Variants in TIAM1 observed in about 807,000 individuals in gnomAD.
The protein encoded by TIAM1 is rho guanine nucleotide exchange factor TIAM1.
In TIAM1, 65 loss-of-function variants were observed where a neutral mutation model predicts 163.5. That is an observed-to-expected ratio of 0.40 (90% confidence interval 0.33 to 0.49). TIAM1 has a LOEUF of 0.49. Among genes scored for constraint, TIAM1 ranks in the 20% least tolerant of loss-of-function variants. TIAM1 has a pLI of 0.77. For synonymous variants in TIAM1, 833 were observed against 810.1 expected, an observed-to-expected ratio of 1.03 and a Z score of -0.48; for missense variants, 1,789 against 2,044.7, an observed-to-expected ratio of 0.87 and a Z score of 2.41.
At chr21:31,211,191 GT>G (rs2086871336) in intron 10 of TIAM1, among the ~76,000 whole-genome samples, 1 of 152,134 alleles carries the variant, frequency 6.6e-6, no homozygotes, top group Non-Finnish European at 1.5e-5. Flanking sequence ...GTGGAATGAA[GT>G]TTGTGAATGT....
At chr21:31,164,088 CATG>C (rs2084073470) in intron 16 of TIAM1, among the ~76,000 whole-genome samples, 2 of 152,164 alleles carry the variant, frequency 1.3e-5, no homozygotes, top group Non-Finnish European at 2.9e-5. Context: ...GGAATAGAAG[CATG>C]ATAAGTTATG....
chr21:31,456,193 T>C (rs2045093163), intron 2 of TIAM1, among the ~76,000 whole-genome samples: 1 of 152,226 alleles, frequency 6.6e-6, no homozygotes. Flanking sequence ...TTAAAATTTG[T>C]ATATTATCTA....
At chr21:31,473,454 A>C (rs1349142299) in intron 1 of TIAM1, among the ~76,000 whole-genome samples, 33 of 147,540 alleles carry the variant, frequency 2.2e-4, no homozygotes, top group East Asian at 1.4e-3. Flanking sequence ...AAAAAAAAAA[A>C]AAAAAAAAAA....
At chr21:31,471,893 ATAAT>A (rs138515267) in intron 1 of TIAM1, among the ~76,000 whole-genome samples, 92,296 of 146,114 alleles carry the variant, frequency 0.63, 28,615 homozygotes, top group African/African-American at 0.7. Context: ...AATAATAATA[ATAAT>A]AATAAAGGGA....
At chr21:31,481,747 A>C (rs528470072) in intron 1 of TIAM1, among the ~76,000 whole-genome samples, 73 of 152,272 alleles carry the variant, frequency 4.8e-4, no homozygotes, top group African/African-American at 1.5e-3. Flanking sequence ...CCTCTCTGGA[A>C]ACGCCACCTC....
At chr21:31,542,284 G>T (rs1028365452) in intron 1 of TIAM1, among the ~76,000 whole-genome samples, 3 of 151,764 alleles carry the variant, frequency 2.0e-5, no homozygotes. Flanking sequence ...AAAATTAGCC[G>T]GGCGTGGTGG....
At chr21:31,504,620 C>A (rs2046967225) in intron 1 of TIAM1, among the ~76,000 whole-genome samples, 1 of 152,170 alleles carries the variant, frequency 6.6e-6, no homozygotes, top group South Asian at 2.1e-4. Flanking sequence ...CCCAGTGGAA[C>A]CAAGGGTAGT....
At position 31,266,435 on chromosome 21, in the gene TIAM1, T is replaced by C. The variant is rs2072772700; in HGVS notation, c.538A>G (p.Ser180Gly). Residue 180 changes from serine (S) to glycine (G), a missense_variant, in exon 4 of 28, where the codon AGC becomes GGC. Physicochemically the swap from Ser to Gly is moderately conservative, Grantham distance 56. Transcript: ENST00000541036. Reference sequence around the variant, plus strand: ...AGATCAGAGAGTGAGAATTCCAGGCTGTCCTCCCGCCAGATGTCTGCAGAT... The same window carrying C: ...AGATCAGAGAGTGAGAATTCCAGGCCGTCCTCCCGCCAGATGTCTGCAGAT... ...SKSADIWRED[S>G]LEFSLSDLSQ... 6.2e-7 allele frequency: 1 copy of C among 1,614,242 alleles called. No homozygotes were observed. Among genetic ancestry groups the C allele is most frequent in the Non-Finnish European group, 8.5e-7 (1 of 1,180,042 alleles).
At chr21:31,404,976 G>A (rs2077223131) in intron 2 of TIAM1, among the ~76,000 whole-genome samples, 2 of 140,034 alleles carry the variant, frequency 1.4e-5, no homozygotes, top group Admixed American at 7.2e-5. Flanking sequence ...GGCATAGTGG[G>A]CATGCCTGTA....
chr21:31,268,265 A>G (rs2072891719), intron 3 of TIAM1, among the ~76,000 whole-genome samples: 2 of 152,192 alleles, frequency 1.3e-5, no homozygotes, highest in Non-Finnish European at 2.9e-5. Flanking sequence ...TACTCTCATG[A>G]AGCTAATTTC....
At chr21:31,310,499 C>T (rs1026344216) in intron 2 of TIAM1, among the ~76,000 whole-genome samples, 7 of 152,164 alleles carry the variant, frequency 4.6e-5, no homozygotes, top group African/African-American at 4.8e-5. Flanking sequence ...CTTGGGTTAA[C>T]GAACTTCTGT....
At chr21:31,329,163 CA>C (rs991436924) in intron 2 of TIAM1, among the ~76,000 whole-genome samples, 1 of 152,188 alleles carries the variant, frequency 6.6e-6, no homozygotes, top group African/African-American at 2.4e-5. Context: ...GAACCCCCCA[CA>C]AATACGCAGG....
intron 2 of TIAM1, among the ~76,000 whole-genome samples, chr21:31,311,230 C>T (rs563631627): frequency 2.0e-5 from 3 of 151,420 alleles, no homozygotes; most frequent in South Asian, 4.2e-4. Flanking sequence ...CAAGGAGGAA[C>T]AAAGACCCTC....
At chr21:31,293,674 A>G (rs1350275901) in intron 2 of TIAM1, among the ~76,000 whole-genome samples, 1 of 152,366 alleles carries the variant, frequency 6.6e-6, no homozygotes, top group East Asian at 1.9e-4. Context: ...TGTTCCAGGT[A>G]GCCACAGTCT....
chr21:31,259,818 AAG>A (rs144886018), intron 4 of TIAM1, among the ~76,000 whole-genome samples: 6,161 of 152,050 alleles, frequency 0.041, 443 homozygotes, highest in African/African-American at 0.14. Context: ...AGTATATTGC[AAG>A]AGAGTGAATG....
chr21:31,198,773 A>G (rs972794616), intron 12 of TIAM1, among the ~76,000 whole-genome samples: 5 of 152,164 alleles, frequency 3.3e-5, no homozygotes, highest in African/African-American at 7.2e-5. Context: ...TCATAATACT[A>G]CTTCCTAGTT....
intron 2 of TIAM1, among the ~76,000 whole-genome samples, chr21:31,309,844 A>ACAT (rs753092458): frequency 5.3e-5 from 8 of 152,232 alleles, no homozygotes; most frequent in Non-Finnish European, 8.8e-5. Flanking sequence ...GGATATAAAG[A>ACAT]CATCATCAGG....
intron 2 of TIAM1, among the ~76,000 whole-genome samples, chr21:31,420,939 T>A (rs1424098931): frequency 6.6e-6 from 1 of 151,908 alleles, no homozygotes; most frequent in Non-Finnish European, 1.5e-5. Flanking sequence ...CTGGCCAACA[T>A]GGTGAAGCCC....
chr21:31,419,831 A>G (rs1331027518), intron 2 of TIAM1, among the ~76,000 whole-genome samples: 1 of 152,196 alleles, frequency 6.6e-6, no homozygotes, highest in Non-Finnish European at 1.5e-5. Context: ...CGGGTGGATC[A>G]CCTGAGGTCA....
Sources: gnomAD v4.1 joint callset for allele counts (sites outside exome capture counted in the v4.1 genomes callset) on GRCh38, gnomAD v4.1.1 for gene constraint, MANE v1.5 for transcripts, NCBI Gene and HGNC (gene_info 2026-07-23, HGNC 2026-07-21) for gene names.